XKR9: variants seen among roughly 807,000 people sequenced by gnomAD.
XKR9 encodes the protein XK-related protein 9.
XKR9 carries 32 observed loss-of-function variants against 32.0 expected under a neutral mutation model. The observed-to-expected ratio is 1.00, with a 90% confidence interval of 0.76 to 1.34. The LOEUF (loss-of-function observed/expected upper bound fraction) is 1.34, where lower values mean the gene tolerates loss of function less well. Ranked by LOEUF, XKR9 falls within the 40% of genes most tolerant of loss-of-function variation. The probability of loss-of-function intolerance (pLI) is 0.00; values close to 1 mark genes in which losing one functional copy is unlikely to be tolerated. For synonymous variants in XKR9, 168 were observed against 143.4 expected (o/e 1.17, Z -1.22); for missense variants, 546 against 429.7 (o/e 1.27, Z -2.39).
At chr8:70,723,456 T>C (rs987726467) in intron 4 of XKR9, among the ~76,000 whole-genome samples, 2 of 152,218 alleles carry the variant, frequency 1.3e-5, no homozygotes, top group African/African-American at 4.8e-5. Context: ...CTACCTTTGC[T>C]CTTTGATGCT....
chr8:70,692,635 A>G (rs1009518597), intron 3 of XKR9, among the ~76,000 whole-genome samples: 4 of 151,858 alleles, frequency 2.6e-5, no homozygotes, highest in Non-Finnish European at 5.9e-5. Context: ...CTGGAGTGCA[A>G]TGGTGCGATC....
chr8:70,802,803 G>A, the XKR9 span, among the ~76,000 whole-genome samples: 7 of 152,206 alleles, frequency 4.6e-5, no homozygotes, highest in African/African-American at 9.6e-5. Context: ...CTGACTTGAA[G>A]GGTTTCTGCT....
the XKR9 span, among the ~76,000 whole-genome samples, chr8:70,950,147 C>T: frequency 6.6e-6 from 1 of 152,244 alleles, no homozygotes; most frequent in East Asian, 1.9e-4. Flanking sequence ...CTAGTATGCC[C>T]CAGACACTGT....
chr8:70,906,163 CA>C, the XKR9 span, among the ~76,000 whole-genome samples: 1 of 152,210 alleles, frequency 6.6e-6, no homozygotes, highest in Admixed American at 6.5e-5. Context: ...AGCTGTCAGA[CA>C]GGGGCGTTTA....
chr8:70,808,742 C>A, the XKR9 span, among the ~76,000 whole-genome samples: 1 of 152,192 alleles, frequency 6.6e-6, no homozygotes, highest in Admixed American at 6.5e-5. Context: ...GGCAGCGAGG[C>A]TGGGGAGGGG....
At chr8:71,009,154 A>T in the XKR9 span, among the ~76,000 whole-genome samples, 1 of 152,216 alleles carries the variant, frequency 6.6e-6, no homozygotes, top group East Asian at 1.9e-4. Context: ...GAACAAGAAA[A>T]ATAAGGTACT....
rs979141195 is a variant in XKR9, at chr8:70,735,043, T to C, written c.*619T>C. On this transcript the variant is annotated 3_prime_UTR_variant, in exon 5 of 5. Coordinates refer to ENST00000408926, the MANE Select transcript of XKR9 (RefSeq NM_001011720.2). ...CACTCTTAACATATAATTATATTAATCCTATTTGTGCTAGAATAGTTGTAT... is the reference window on the plus strand; with the variant it reads ...CACTCTTAACATATAATTATATTAACCCTATTTGTGCTAGAATAGTTGTAT... The C allele has an allele frequency of 6.6e-6, 1 of 152,188 alleles. No individual in the cohort carries two copies. Among genetic ancestry groups the C allele is most frequent in the Non-Finnish European group, 1.5e-5 (1 of 68,032 alleles). The allele number at this position is 152,188 out of a possible 1,614,324, so 9.4% of individuals were successfully genotyped here.
the XKR9 span, among the ~76,000 whole-genome samples, chr8:71,042,142 C>T: frequency 6.6e-6 from 1 of 152,126 alleles, no homozygotes; most frequent in Admixed American, 6.5e-5. Flanking sequence ...GCTTTGAGGA[C>T]AACTTACCCT....
the XKR9 span, among the ~76,000 whole-genome samples, chr8:71,002,497 A>T: frequency 6.6e-6 from 1 of 151,916 alleles, no homozygotes; most frequent in Admixed American, 6.6e-5. Context: ...ATCTTTAAGT[A>T]AATTTAATTT....
At chr8:70,870,530 G>A in the XKR9 span, among the ~76,000 whole-genome samples, 4 of 152,194 alleles carry the variant, frequency 2.6e-5, no homozygotes, top group Non-Finnish European at 5.9e-5. Flanking sequence ...GCACTGATAT[G>A]TGGTCTCATA....
the XKR9 span, among the ~76,000 whole-genome samples, chr8:70,904,264 G>C: frequency 3.9e-5 from 6 of 152,130 alleles, no homozygotes; most frequent in Admixed American, 1.3e-4. Flanking sequence ...TCTCTCTGTA[G>C]GTTTCTAAGG....
chr8:70,946,326 CT>C, the XKR9 span, among the ~76,000 whole-genome samples: 2 of 151,756 alleles, frequency 1.3e-5, no homozygotes, highest in Non-Finnish European at 2.9e-5. Flanking sequence ...TTTTGTCCCC[CT>C]ATGTCATTTA....
intron 4 of XKR9, among the ~76,000 whole-genome samples, chr8:70,728,933 C>A (rs1806569722): frequency 6.6e-6 from 1 of 152,132 alleles, no homozygotes; most frequent in Non-Finnish European, 1.5e-5. Context: ...GGGAAAATTC[C>A]TCTCCTCTTG....
chr8:71,015,214 A>C, the XKR9 span, among the ~76,000 whole-genome samples: 1 of 152,238 alleles, frequency 6.6e-6, no homozygotes, highest in Non-Finnish European at 1.5e-5. Flanking sequence ...TTGAGTTAGC[A>C]GAATTTCCTC....
At chr8:70,757,829 C>T (rs771515660) in intron 2 of XKR9, among the ~76,000 whole-genome samples, 10 of 152,204 alleles carry the variant, frequency 6.6e-5, no homozygotes, top group East Asian at 1.9e-4. Flanking sequence ...TCAGGTGATC[C>T]GCCCACCTCA....
the XKR9 span, among the ~76,000 whole-genome samples, chr8:70,909,448 C>T: frequency 1.3e-5 from 2 of 152,094 alleles, no homozygotes; most frequent in Non-Finnish European, 2.9e-5. Context: ...CAGATGGTCC[C>T]ACTCTGTGTT....
At chr8:70,893,776 C>T in the XKR9 span, among the ~76,000 whole-genome samples, 1 of 152,078 alleles carries the variant, frequency 6.6e-6, no homozygotes, top group Non-Finnish European at 1.5e-5. Flanking sequence ...GGGGATCCAT[C>T]TTGATGTCAG....
chr8:70,987,499 T>G, the XKR9 span, among the ~76,000 whole-genome samples: 1 of 152,226 alleles, frequency 6.6e-6, no homozygotes, highest in Non-Finnish European at 1.5e-5. Context: ...ATGATCTCCT[T>G]TGGTTCCATA....
At chr8:71,039,541 A>C in the XKR9 span, among the ~76,000 whole-genome samples, 2 of 152,360 alleles carry the variant, frequency 1.3e-5, no homozygotes, top group South Asian at 4.1e-4. Context: ...AAGTAAAAAA[A>C]TGGTACATAG....
Sources: allele counts gnomAD v4.1 joint callset (sites outside exome capture counted in the v4.1 genomes callset), GRCh38; gene constraint gnomAD v4.1.1; transcripts MANE v1.5; gene names NCBI Gene and HGNC (gene_info 2026-07-23, HGNC 2026-07-21).